ABCA13: variants seen among roughly 807,000 people sequenced by gnomAD.
The protein encoded by ABCA13 is ATP-binding cassette sub-family A member 13.
ABCA13 carries 476 observed loss-of-function variants against 478.7 expected under a neutral mutation model. That is an observed-to-expected ratio of 0.99 (90% CI 0.92 to 1.07). ABCA13 has a LOEUF of 1.07. Ranked by LOEUF, ABCA13 falls within the 50% of genes least tolerant of loss-of-function variation. The pLI, the probability that ABCA13 is intolerant of heterozygous loss-of-function variation, is 0.00. For missense variants in ABCA13, 6,060 were observed against 5,910.6 expected, an observed-to-expected ratio of 1.03 and a Z score of -0.83; for synonymous variants, 2,252 against 2,158.9, an observed-to-expected ratio of 1.04 and a Z score of -1.20.
At chr7:48,318,584 G>A (rs1325720126) in intron 27 of ABCA13, among the ~76,000 whole-genome samples, 1 of 151,490 alleles carries the variant, frequency 6.6e-6, no homozygotes, top group East Asian at 1.9e-4. Context: ...CCTTTCAGAG[G>A]GGTATTTGCC....
At chr7:48,603,873 T>C (rs560575311) in intron 58 of ABCA13, 83 of 152,342 alleles carry the variant, frequency 5.4e-4, no homozygotes, top group African/African-American at 2.0e-3. Flanking sequence ...CTTTTTTTGG[T>C]TGGTAGGCTA....
chr7:48,365,865 A>C (rs1037737027), intron 31 of ABCA13, among the ~76,000 whole-genome samples: 4 of 152,228 alleles, frequency 2.6e-5, no homozygotes, highest in African/African-American at 9.6e-5. Flanking sequence ...AGGACATAAA[A>C]AATGAAAAGA....
intron 44 of ABCA13, among the ~76,000 whole-genome samples, chr7:48,469,663 G>A (rs1827257889): frequency 6.6e-6 from 1 of 152,082 alleles, no homozygotes; most frequent in African/African-American, 2.4e-5. Flanking sequence ...GATTTAAAAT[G>A]CACCTTAGCA....
intron 15 of ABCA13, among the ~76,000 whole-genome samples, chr7:48,261,355 T>G (rs1305158210): frequency 1.3e-5 from 2 of 151,962 alleles, no homozygotes; most frequent in Admixed American, 6.6e-5. Flanking sequence ...TACGTTTCTT[T>G]TTTAGTCCAA....
At chr7:48,171,621 C>G in intron 1 of ABCA13, 69 bp downstream of exon 1, 1 of 1,492,336 alleles carries the variant, frequency 6.7e-7, no homozygotes, top group South Asian at 1.2e-5. Context: ...TCTATTCTTT[C>G]CTGCCTGCCT....
Position 48,171,469 on chromosome 7 carries a change from C to A in ABCA13, c.-15C>A. 1 of 1,535,902 alleles carries A rather than the reference C, an allele frequency of 6.5e-7. No homozygotes were observed. Among genetic ancestry groups the A allele is most frequent in the Non-Finnish European group, 8.7e-7 (1 of 1,146,842 alleles). On this transcript the variant is annotated 5_prime_UTR_variant, in exon 1 of 62. Coordinates refer to ENST00000435803, the MANE Select transcript of ABCA13 (RefSeq NM_152701.5). ...TACAGGCTGGCTTCCTGACTGAGAG[C>A]AGGGAGCAGCAGGCATGGGGCATGC... is the stretch of plus-strand genomic sequence containing the variant.
At chr7:48,310,605 G>A (rs1352820431) in intron 24 of ABCA13, among the ~76,000 whole-genome samples, 3 of 152,162 alleles carry the variant, frequency 2.0e-5, no homozygotes, top group African/African-American at 7.2e-5. Context: ...GAAGCATCCA[G>A]CTCTGCCAGG....
At chr7:48,269,976 T>C (rs1683969473) in intron 16 of ABCA13, among the ~76,000 whole-genome samples, 1 of 152,194 alleles carries the variant, frequency 6.6e-6, no homozygotes, top group Non-Finnish European at 1.5e-5. Context: ...TCCTCTTTCC[T>C]GAAAGCCTCA....
chr7:48,358,705 T>G (rs1810353194), intron 31 of ABCA13, among the ~76,000 whole-genome samples: 1 of 152,042 alleles, frequency 6.6e-6, no homozygotes, highest in Non-Finnish European at 1.5e-5. Context: ...CAGTAGTTAG[T>G]GTACATTCAT....
chr7:48,598,972 C>T (rs1430824594), intron 58 of ABCA13, among the ~76,000 whole-genome samples: 1 of 151,868 alleles, frequency 6.6e-6, no homozygotes, highest in African/African-American at 2.4e-5. Flanking sequence ...TGTCATAGCA[C>T]CTTTATTATA....
At chr7:48,325,128 G>C (rs1005949576) in intron 27 of ABCA13, among the ~76,000 whole-genome samples, 9 of 152,200 alleles carry the variant, frequency 5.9e-5, no homozygotes, top group African/African-American at 2.2e-4. Context: ...TCCATGGGAA[G>C]CCTGCTAATT....
At chr7:48,421,351 C>G (rs998074739) in intron 41 of ABCA13, among the ~76,000 whole-genome samples, 1 of 152,222 alleles carries the variant, frequency 6.6e-6, no homozygotes, top group African/African-American at 2.4e-5. Flanking sequence ...ATCATTCCTT[C>G]CATGTGTTTT....
intron 29 of ABCA13, among the ~76,000 whole-genome samples, chr7:48,346,007 G>C (rs768928967): frequency 6.6e-6 from 1 of 152,126 alleles, no homozygotes; most frequent in Non-Finnish European, 1.5e-5. Context: ...ATTGCCTACA[G>C]CATTCAGTAC....
chr7:48,412,336 C>CT lies in ABCA13; in HGVS notation c.12229-9dup, dbSNP rs78680236. 110,099 of 1,572,994 alleles carry CT rather than the reference C, an allele frequency of 0.07. 3,436 individuals carry two copies. The highest frequency in any genetic ancestry group is 0.078 in the Non-Finnish European group (89,686 of 1,155,364). ...ACATTCCTTACTGGCTTCTTTTTTC[C>CT]TTTTTTTTATGGATAGCCTTCTGTT... On this transcript the variant is annotated splice_polypyrimidine_tract_variant and intron_variant, in intron 40 of 61. Coordinates refer to ENST00000435803, the MANE Select transcript of ABCA13 (RefSeq NM_152701.5).
At chr7:48,518,523 T>TA (rs375934120) in intron 52 of ABCA13, among the ~76,000 whole-genome samples, 4,213 of 150,194 alleles carry the variant, frequency 0.028, 75 homozygotes, top group East Asian at 0.08. Flanking sequence ...GCTTACTTGT[T>TA]AAAAAAAAAA....
At position 48,183,442 on chromosome 7, in the gene ABCA13, T is replaced by G. The variant is rs146982475; in HGVS notation, c.70-9517T>G. On this transcript the variant is annotated intron_variant, in intron 1 of 61. Transcript: ENST00000435803. ...ATAGTAATCTTTATGACATAAAAGG[T>G]GTAAAACTGGCACAGTATTACCTAT... is the stretch of plus-strand genomic sequence containing the variant. 1.2e-4 allele frequency among the ~76,000 whole-genome samples: 18 copies of G among 152,314 alleles called. No homozygotes were observed. In the East Asian group the frequency reaches 3.5e-3, roughly 29 times the overall value.
chr7:48,420,990 T>C (rs1820665580), intron 41 of ABCA13, among the ~76,000 whole-genome samples: 1 of 152,150 alleles, frequency 6.6e-6, no homozygotes, highest in Non-Finnish European at 1.5e-5. Flanking sequence ...TGAGCCTCAA[T>C]ATGGGTTTGC....
chr7:48,257,578 A>G (rs973663509), intron 15 of ABCA13, among the ~76,000 whole-genome samples: 2 of 152,094 alleles, frequency 1.3e-5, no homozygotes, highest in African/African-American at 4.8e-5. Context: ...TTTTGTTTTT[A>G]GTTCTGTTTA....
At chr7:48,451,529 T>C (rs1304109307) in intron 42 of ABCA13, among the ~76,000 whole-genome samples, 1 of 152,206 alleles carries the variant, frequency 6.6e-6, no homozygotes, top group Admixed American at 6.5e-5. Flanking sequence ...TTGATTAGTT[T>C]AAAAACTAAA....
Sources: allele counts gnomAD v4.1 joint callset (sites outside exome capture counted in the v4.1 genomes callset), GRCh38; gene constraint gnomAD v4.1.1; transcripts MANE v1.5; gene names NCBI Gene and HGNC (gene_info 2026-07-23, HGNC 2026-07-21).